The following CHL1 variants were observed in gnomAD, a reference collection of about 807,000 sequenced individuals.
The protein encoded by CHL1 is cell adhesion molecule L1 like.
In CHL1, 96 loss-of-function variants were observed where a neutral mutation model predicts 141.9. The observed-to-expected ratio is 0.68, with a 90% CI of 0.57 to 0.80. The LOEUF is 0.80. Ranked by LOEUF, CHL1 falls within the 30% of genes least tolerant of loss-of-function variation. The pLI is 0.00. For missense variants in CHL1, 1,820 were observed against 1,457.2 expected, an observed-to-expected ratio of 1.25 and a Z score of -4.05; for synonymous variants, 613 against 502.2, an observed-to-expected ratio of 1.22 and a Z score of -2.95.
intron 11 of CHL1, 123 bp from the exon 12 acceptor site, chr3:360,161 T>G: frequency 5.0e-5 from 51 of 1,022,346 alleles, no homozygotes; most frequent in Middle Eastern, 2.6e-4. Flanking sequence ...TTGGCTTCAA[T>G]GAACTATTAG....
intron 19 of CHL1, among the ~76,000 whole-genome samples, chr3:388,669 A>C (rs190466222): frequency 2.0e-5 from 3 of 151,502 alleles, no homozygotes; most frequent in African/African-American, 7.2e-5. Flanking sequence ...ATGGTCAAGG[A>C]GCTGGGAAAT....
At chr3:205,241 G>T (rs758679909) in intron 1 of CHL1, among the ~76,000 whole-genome samples, 7 of 151,834 alleles carry the variant, frequency 4.6e-5, no homozygotes, top group South Asian at 2.1e-4. Flanking sequence ...CTCCCAAAGT[G>T]CTGGGACTAC....
chr3:243,437 G>A (rs1692861848), intron 1 of CHL1, among the ~76,000 whole-genome samples: 1 of 152,158 alleles, frequency 6.6e-6, no homozygotes, highest in Non-Finnish European at 1.5e-5. Context: ...ATTTCTGCTT[G>A]TAATAATAAT....
chr3:204,213 A>G (rs924902940), intron 1 of CHL1, among the ~76,000 whole-genome samples: 2 of 152,220 alleles, frequency 1.3e-5, no homozygotes, highest in Admixed American at 6.5e-5. Context: ...TCCAGCTTCT[A>G]TGGTAATGGT....
intron 20 of CHL1, among the ~76,000 whole-genome samples, chr3:389,972 G>A (rs550173127): frequency 2.0e-5 from 3 of 152,208 alleles, no homozygotes; most frequent in Admixed American, 6.5e-5. Flanking sequence ...GCTGCAAATA[G>A]GTTATTGGAA....
At chr3:201,317 T>TA (rs1366122383) in intron 1 of CHL1, among the ~76,000 whole-genome samples, 12 of 152,328 alleles carry the variant, frequency 7.9e-5, no homozygotes, top group African/African-American at 2.6e-4. Flanking sequence ...GTGTTGTGGG[T>TA]AAAAAATGAT....
intron 3 of CHL1, among the ~76,000 whole-genome samples, chr3:321,128 T>C (rs937186854): frequency 2.0e-5 from 3 of 152,098 alleles, no homozygotes; most frequent in Non-Finnish European, 4.4e-5. Context: ...TTAAAAACTA[T>C]TCTAAGGGCC....
At chr3:283,915 T>C (rs950521323) in intron 2 of CHL1, among the ~76,000 whole-genome samples, 2 of 152,194 alleles carry the variant, frequency 1.3e-5, no homozygotes, top group African/African-American at 4.8e-5. Context: ...AAATAAATGT[T>C]AACAATGACT....
chr3:330,510 A>G (rs1701350703), intron 5 of CHL1, among the ~76,000 whole-genome samples: 1 of 152,184 alleles, frequency 6.6e-6, no homozygotes. Context: ...CAGAAAATAA[A>G]TTCAACAATG....
At position 319,697 on chromosome 3, in the gene CHL1, A is replaced by G. The variant is rs965277789; in HGVS notation, c.-80A>G. 10 of 802,364 alleles carry G rather than the reference A, an allele frequency of 1.2e-5. No individual in the cohort carries two copies. The highest frequency in any genetic ancestry group is 2.1e-5 in the Non-Finnish European group (10 of 480,840). The allele number at this position is 802,364 out of a possible 1,614,324, so 49.7% of individuals were successfully genotyped here. ...TGTGTTTTTAGTTTCCAGGTTAACT[A>G]AGGTCTCAGCTGTAAACCAAAAGTG... On this transcript the variant is annotated 5_prime_UTR_variant, in exon 3 of 28. Coordinates refer to ENST00000256509, the MANE Select transcript of CHL1 (RefSeq NM_006614.4).
chr3:370,429 G>A (rs1268048429), intron 15 of CHL1, among the ~76,000 whole-genome samples: 1 of 151,830 alleles, frequency 6.6e-6, no homozygotes, highest in Non-Finnish European at 1.5e-5. Context: ...ATTTCTGTGG[G>A]GTCAGTGGTG....
chr3:354,522 T>A, intron 10 of CHL1, 118 bp from the exon 11 acceptor site: 1 of 1,150,724 alleles, frequency 8.7e-7, no homozygotes, highest in Non-Finnish European at 1.2e-6. Flanking sequence ...AAAGAGCTAC[T>A]ATGAAACCCT....
chr3:237,361 T>A (rs1392129082), intron 1 of CHL1, among the ~76,000 whole-genome samples: 1 of 152,232 alleles, frequency 6.6e-6, no homozygotes, highest in Non-Finnish European at 1.5e-5. Flanking sequence ...TCCCAAGCCA[T>A]GCAGAACTGT....
intron 5 of CHL1, among the ~76,000 whole-genome samples, chr3:339,501 G>C (rs1485087636): frequency 6.6e-6 from 1 of 152,212 alleles, no homozygotes; most frequent in East Asian, 1.9e-4. Context: ...AGTTGAGCAA[G>C]AGGAAACCCA....
At chr3:235,255 G>A (rs1691853951) in intron 1 of CHL1, among the ~76,000 whole-genome samples, 1 of 151,914 alleles carries the variant, frequency 6.6e-6, no homozygotes, top group Non-Finnish European at 1.5e-5. Flanking sequence ...AACACCTATG[G>A]CAATATTTAA....
intron 4 of CHL1, among the ~76,000 whole-genome samples, chr3:327,751 T>C (rs1701123970): frequency 6.6e-6 from 1 of 151,946 alleles, no homozygotes; most frequent in Admixed American, 6.6e-5. Flanking sequence ...ATTCTAAAAA[T>C]ACTAATAGGA....
intron 24 of CHL1, 88 bp downstream of exon 24, chr3:394,960 GC>G: frequency 9.3e-7 from 1 of 1,078,728 alleles, no homozygotes; most frequent in Non-Finnish European, 1.3e-6. Context: ...AAAGCACCGT[GC>G]CAGTCATTGT....
intron 1 of CHL1, among the ~76,000 whole-genome samples, chr3:212,258 A>C (rs1699960778): frequency 6.6e-6 from 1 of 152,248 alleles, no homozygotes; most frequent in African/African-American, 2.4e-5. Context: ...ATGTTTCCAT[A>C]GTCTATTTTT....
At chr3:360,242 G>A (rs773846125) in intron 11 of CHL1, 42 bp from the exon 12 acceptor site, 2 of 1,605,376 alleles carry the variant, frequency 1.2e-6, no homozygotes, top group East Asian at 4.5e-5. Flanking sequence ...AATATTTTAT[G>A]TCCTGTTCCT....
Sources: allele counts gnomAD v4.1 joint callset (sites outside exome capture counted in the v4.1 genomes callset), GRCh38; gene constraint gnomAD v4.1.1; transcripts MANE v1.5; gene names NCBI Gene and HGNC (gene_info 2026-07-23, HGNC 2026-07-21).